The following MALRD1 variants were observed in gnomAD, a reference collection of about 807,000 sequenced individuals.
MALRD1 encodes the protein MAM and LDL-receptor class A domain-containing protein 1.
In MALRD1, 247 loss-of-function variants were observed where a neutral mutation model predicts 242.1. The ratio of observed to expected loss-of-function variants is 1.02; its 90% CI spans 0.92 to 1.13. The LOEUF (loss-of-function observed/expected upper bound fraction) is 1.13, where lower values mean the gene tolerates loss of function less well. Ranked by LOEUF, MALRD1 falls within the 50% of genes most tolerant of loss-of-function variation. The pLI is 0.00. For synonymous variants in MALRD1, 995 were observed against 866.6 expected (o/e 1.15, Z -2.60); for missense variants, 2,989 against 2,533.1 (o/e 1.18, Z -3.86).
chr10:19,109,671 G>A (rs1480731936), intron 5 of MALRD1, among the ~76,000 whole-genome samples: 1 of 152,216 alleles, frequency 6.6e-6, no homozygotes, highest in East Asian at 1.9e-4. Flanking sequence ...GCACAGTGTA[G>A]TGCCAGCAGA....
At chr10:19,691,071 C>T in intron 36 of MALRD1, among the ~76,000 whole-genome samples, 1 of 151,926 alleles carries the variant, frequency 6.6e-6, no homozygotes, top group Non-Finnish European at 1.5e-5. Context: ...CCAGTGTGTG[C>T]ACGTGTGAAA....
At chr10:19,133,403 T>A (rs1442955273) in intron 8 of MALRD1, among the ~76,000 whole-genome samples, 1 of 152,232 alleles carries the variant, frequency 6.6e-6, no homozygotes, top group Non-Finnish European at 1.5e-5. Context: ...ATATTTAGTA[T>A]AAATTGAAAT....
chr10:19,719,231 T>TACATAC lies in MALRD1; in HGVS notation c.6315-11474_6315-11473insCATACA, dbSNP rs1564567434. Reference sequence around the variant, plus strand: ...ATATATACACATACATACATATATATATATATATATATATATATATATATA... The same window carrying TACATAC: ...ATATATACACATACATACATATATATACATACATATATATATATATATATATATATA... On this transcript the variant is annotated intron_variant, in intron 38 of 39. Coordinates refer to ENST00000454679, the MANE Select transcript of MALRD1 (RefSeq NM_001142308.3). Among the ~76,000 whole-genome samples the TACATAC allele has an allele frequency of 6.7e-4, 21 of 31,414 alleles. 1 individual carries two copies. Among genetic ancestry groups the TACATAC allele is most frequent in the African/African-American group, 2.3e-3 (17 of 7,384 alleles). 20.6% of individuals were successfully genotyped at this position (31,414 alleles called of 152,430 possible). A position where few individuals can be genotyped will look rare whatever the true frequency, so the allele number is the denominator to read the frequency against.
intron 31 of MALRD1, among the ~76,000 whole-genome samples, chr10:19,509,602 G>A (rs1204315228): frequency 6.6e-6 from 1 of 152,080 alleles, no homozygotes; most frequent in African/African-American, 2.4e-5. Context: ...GATATATTTG[G>A]TCTCAGTATG....
At chr10:19,271,009 A>G (rs143164988) in intron 19 of MALRD1, among the ~76,000 whole-genome samples, 5 of 152,332 alleles carry the variant, frequency 3.3e-5, no homozygotes, top group African/African-American at 9.6e-5. Flanking sequence ...TGGCAAGTAC[A>G]TAATGCATGT....
chr10:19,060,415 A>G (rs1015854230), intron 1 of MALRD1, among the ~76,000 whole-genome samples: 15 of 151,774 alleles, frequency 9.9e-5, no homozygotes. Flanking sequence ...TTTTTGATCT[A>G]TTTTCCGGAA....
chr10:19,207,638 T>C (rs2065637093), intron 17 of MALRD1, among the ~76,000 whole-genome samples: 2 of 152,006 alleles, frequency 1.3e-5, no homozygotes, highest in African/African-American at 4.8e-5. Context: ...GTAGCTGAGA[T>C]TGCAGGCGCC....
At chr10:19,627,394 C>T (rs1839700225) in intron 36 of MALRD1, among the ~76,000 whole-genome samples, 1 of 151,358 alleles carries the variant, frequency 6.6e-6, no homozygotes, top group African/African-American at 2.4e-5. Flanking sequence ...TAAAAGACAC[C>T]ATAAACAAAA....
intron 18 of MALRD1, among the ~76,000 whole-genome samples, chr10:19,216,310 G>T (rs923675867): frequency 7.9e-5 from 12 of 151,518 alleles, no homozygotes; most frequent in Admixed American, 6.6e-5. Flanking sequence ...TGGAGACAAG[G>T]TTTCACCATA....
intron 11 of MALRD1, among the ~76,000 whole-genome samples, chr10:19,154,498 T>C (rs1227125397): frequency 6.6e-6 from 1 of 152,200 alleles, no homozygotes; most frequent in Non-Finnish European, 1.5e-5. Flanking sequence ...GAACCTGTGA[T>C]CTTTTAAGCT....
At chr10:19,147,841 A>G (rs1214733092) in intron 11 of MALRD1, among the ~76,000 whole-genome samples, 4 of 152,232 alleles carry the variant, frequency 2.6e-5, no homozygotes, top group Non-Finnish European at 4.4e-5. Flanking sequence ...GGAATTACTG[A>G]GAGAAGACGG....
chr10:19,136,393 G>A (rs2131412957), intron 9 of MALRD1, among the ~76,000 whole-genome samples, 181 bp from the exon 10 acceptor site: 1 of 151,808 alleles, frequency 6.6e-6, no homozygotes, highest in East Asian at 1.9e-4. Context: ...CAACCTGCAG[G>A]TTTGTTATGT....
At chr10:19,307,660 A>C (rs893157030) in intron 21 of MALRD1, among the ~76,000 whole-genome samples, 3 of 151,548 alleles carry the variant, frequency 2.0e-5, no homozygotes, top group Non-Finnish European at 4.4e-5. Flanking sequence ...GCTGAAGCTA[A>C]TGCCAGAGAC....
At chr10:19,466,122 C>A (rs1836206791) in intron 29 of MALRD1, among the ~76,000 whole-genome samples, 1 of 151,862 alleles carries the variant, frequency 6.6e-6, no homozygotes. Flanking sequence ...ATTTATTTTT[C>A]TTCTTTTGAG....
intron 8 of MALRD1, among the ~76,000 whole-genome samples, chr10:19,129,515 ATAGGTATGATCATTTAT>A (rs1325371952): frequency 6.6e-6 from 1 of 151,968 alleles, no homozygotes; most frequent in African/African-American, 2.4e-5. Flanking sequence ...GATTTGTCAC[ATAGGTATGATCATTTAT>A]TAGCTCAATC....
At chr10:19,603,187 CTTTAG>C (rs1386925444) in intron 34 of MALRD1, among the ~76,000 whole-genome samples, 2 of 152,114 alleles carry the variant, frequency 1.3e-5, no homozygotes, top group Non-Finnish European at 2.9e-5. Context: ...TGCAGAAGCT[CTTTAG>C]TTTAATTAGA....
intron 33 of MALRD1, among the ~76,000 whole-genome samples, chr10:19,576,977 T>TG (rs1836862441): frequency 6.6e-6 from 1 of 151,874 alleles, no homozygotes; most frequent in African/African-American, 2.4e-5. Context: ...TTTTTTTTTT[T>TG]TTTTGATTTG....
rs912707070 is a variant in MALRD1 at position 19,501,485 on chromosome 10, G to A, written c.5320+2839G>A. Among the ~76,000 whole-genome samples, 5 of 152,152 alleles carry A rather than the reference G, an allele frequency of 3.3e-5. No homozygotes were observed. The East Asian group carries it at 9.6e-4, about 29-fold the overall frequency. ...GAGTTTAGTCATGTATAGTTGATTT[G>A]AAAGGATTTCCAAATGACAGTGTTG... is the stretch of plus-strand genomic sequence containing the variant. On this transcript the variant is annotated intron_variant, in intron 31 of 39. Transcript: ENST00000454679.
chr10:19,642,666 T>C (rs1245881626), intron 36 of MALRD1, among the ~76,000 whole-genome samples: 2 of 152,124 alleles, frequency 1.3e-5, no homozygotes, highest in Non-Finnish European at 2.9e-5. Context: ...AAAATCACAT[T>C]CTGCATAGAA....
Sources: allele counts gnomAD v4.1 joint callset (sites outside exome capture counted in the v4.1 genomes callset), GRCh38; gene constraint gnomAD v4.1.1; transcripts MANE v1.5; gene names NCBI Gene and HGNC (gene_info 2026-07-23, HGNC 2026-07-21).